TLK1: variants seen among roughly 807,000 people sequenced by gnomAD.
TLK1 encodes the protein tousled like kinase 1, also known as serine/threonine-protein kinase tousled-like 1.
Under a neutral mutation model 105.3 loss-of-function variants are expected in TLK1, and 24 were observed. That is an observed-to-expected ratio of 0.23 (90% confidence interval 0.17 to 0.32). TLK1 has a LOEUF of 0.32. Ranked by LOEUF, TLK1 falls within the 10% of genes least tolerant of loss-of-function variation. The probability of loss-of-function intolerance (pLI) is 1.00; values close to 1 mark genes in which losing one functional copy is unlikely to be tolerated. For missense variants in TLK1, 558 were observed against 910.5 expected, an observed-to-expected ratio of 0.61 and a Z score of 4.98; for synonymous variants, 321 against 310.4, an observed-to-expected ratio of 1.03 and a Z score of -0.36.
chr2:171,151,161 GCGT>G (rs1394106836), intron 1 of TLK1, among the ~76,000 whole-genome samples: 1 of 151,992 alleles, frequency 6.6e-6, no homozygotes, highest in Non-Finnish European at 1.5e-5. Flanking sequence ...GCAACTACAG[GCGT>G]GCACCACAAT....
At chr2:171,044,349 CCACT>C (rs1350178657) in intron 11 of TLK1, among the ~76,000 whole-genome samples, 7 of 152,124 alleles carry the variant, frequency 4.6e-5, no homozygotes, top group African/African-American at 1.4e-4. Context: ...GATGGTAGTG[CCACT>C]CACTAAGAGA....
intron 3 of TLK1, among the ~76,000 whole-genome samples, chr2:171,066,203 T>C (rs1687985328): frequency 2.6e-5 from 4 of 152,234 alleles, no homozygotes; most frequent in Admixed American, 2.0e-4. Flanking sequence ...TCTACTATAA[T>C]GCTGATTTTA....
chr2:171,044,472 G>C lies in TLK1; in HGVS notation c.1169+1702C>G, dbSNP rs138834919. ...TAGTAAATATAGTTTTGAACAGGCT[G>C]CATTAGAAGTTCCTGTGAGACATTT... On this transcript the variant is annotated intron_variant, in intron 11 of 20. Transcript: ENST00000431350. Among the ~76,000 whole-genome samples, 524 of 152,224 alleles carry C rather than the reference G, an allele frequency of 3.4e-3. 6 individuals are homozygous for C. Among genetic ancestry groups the C allele is most frequent in the African/African-American group, 0.012 (489 of 41,540 alleles).
intron 12 of TLK1, among the ~76,000 whole-genome samples, chr2:171,022,502 C>G (rs1685577112): frequency 6.6e-6 from 1 of 152,076 alleles, no homozygotes; most frequent in Non-Finnish European, 1.5e-5. Flanking sequence ...CGACTTTTTC[C>G]AGTATAGTAT....
chr2:171,210,238 G>T (rs1173655806), intron 1 of TLK1, among the ~76,000 whole-genome samples: 1 of 151,922 alleles, frequency 6.6e-6, no homozygotes, highest in Non-Finnish European at 1.5e-5. Context: ...AGAGAAATAA[G>T]GTTATAATGC....
chr2:171,160,524 G>C lies in TLK1; in HGVS notation c.-96C>G. 6.4e-7 allele frequency: 1 copy of C among 1,557,160 alleles called. No homozygotes were observed. ...CCGTCATGGCGGGGGCCGCGCTGAG[G>C]GCGAGCGAGAGAGCGAGGGCTGGGA... is the stretch of plus-strand genomic sequence containing the variant. On this transcript the variant is annotated 5_prime_UTR_variant, in exon 1 of 21. Transcript: ENST00000431350. This position sits in a 1 kb window ranked among gnomAD's most constrained non-coding sequence, Gnocchi z 4.4.
At chr2:171,112,693 C>T (rs1318262622) in intron 2 of TLK1, among the ~76,000 whole-genome samples, 3 of 152,024 alleles carry the variant, frequency 2.0e-5, no homozygotes, top group Non-Finnish European at 4.4e-5. Context: ...ACCAACAAAC[C>T]ATTACAACCA....
intron 1 of TLK1, among the ~76,000 whole-genome samples, chr2:171,228,996 G>C (rs1349737909): frequency 6.6e-6 from 1 of 152,124 alleles, no homozygotes; most frequent in Non-Finnish European, 1.5e-5. Flanking sequence ...TCATGCACTT[G>C]GGAATTTCCA....
At chr2:171,102,796 T>C (rs1268136786) in intron 2 of TLK1, among the ~76,000 whole-genome samples, 2 of 152,198 alleles carry the variant, frequency 1.3e-5, no homozygotes, top group South Asian at 4.1e-4. Context: ...ATTGAGGGCC[T>C]TGGTTCTGTT....
At chr2:171,002,143 A>T (rs915640821) in intron 18 of TLK1, among the ~76,000 whole-genome samples, 1 of 152,078 alleles carries the variant, frequency 6.6e-6, no homozygotes, top group African/African-American at 2.4e-5. Context: ...TGTTATCTTG[A>T]CATTTTAAAA....
At chr2:171,138,441 T>C (rs761698369) in intron 1 of TLK1, among the ~76,000 whole-genome samples, 2 of 152,210 alleles carry the variant, frequency 1.3e-5, no homozygotes, top group Non-Finnish European at 2.9e-5. Context: ...AAATTTCAGA[T>C]GGCAGCATTT....
rs538895023 is a variant in TLK1 at position 171,031,376 on chromosome 2, G to C, written c.1170-2971C>G. ...TTTTAGACAGAATGAAAAGAGCTAA[G>C]CTAGGATAATGTTCACATCAGTGGC... On this transcript the variant is annotated intron_variant, in intron 11 of 20. Coordinates refer to ENST00000431350, the MANE Select transcript of TLK1 (RefSeq NM_012290.5). Among the ~76,000 whole-genome samples, 44 of 152,280 alleles carry C rather than the reference G, an allele frequency of 2.9e-4. No homozygotes were observed. In the South Asian group the frequency reaches 8.9e-3, roughly 31 times the overall value.
In TLK1 at chr2:171,088,180, A is replaced by C. The variant is rs531058956; in HGVS notation, c.259-5328T>G. Among the ~76,000 whole-genome samples, 10 of 152,260 alleles carry C rather than the reference A, an allele frequency of 6.6e-5. No individual in the cohort carries two copies. In the East Asian group the frequency reaches 1.9e-3, roughly 29 times the overall value. ...ACCCTGTCCCTACAGAGGAAAAAAAAAATTAGCCAGATGTGGTAGCATGTA... is the reference window on the plus strand; with the variant it reads ...ACCCTGTCCCTACAGAGGAAAAAAACAATTAGCCAGATGTGGTAGCATGTA... On this transcript the variant is annotated intron_variant, in intron 2 of 20. Transcript: ENST00000431350.
chr2:171,084,910 A>G (rs1437621429), intron 2 of TLK1, among the ~76,000 whole-genome samples: 1 of 152,216 alleles, frequency 6.6e-6, no homozygotes, highest in African/African-American at 2.4e-5. Context: ...TATACAGTAG[A>G]TAATGCTTTA....
Position 171,014,937 on chromosome 2 carries a change from T to G in TLK1, c.1248A>C (p.Glu416Asp). The G allele has an allele frequency of 6.2e-7, 1 of 1,613,606 alleles. No homozygotes were observed. The highest frequency in any genetic ancestry group is 1.1e-5 in the South Asian group (1 of 91,064). The change falls in exon 13 of 21, where the codon GAA becomes GAC. Residue 416 changes from glutamate (E) to aspartate (D), a missense_variant. Coordinates refer to ENST00000431350, the MANE Select transcript of TLK1 (RefSeq NM_012290.5). Reference protein sequence around the residue: ...RLGHLKKEEAEIQAELERLER... With the variant: ...RLGHLKKEEADIQAELERLER... ...CCAAACGTTCAAGTTCTGCCTGGAT[T>G]TCTGCCTCTTCCTGAAAATGAAGAG...
At chr2:171,127,543 G>A (rs944940686) in intron 1 of TLK1, among the ~76,000 whole-genome samples, 3 of 151,918 alleles carry the variant, frequency 2.0e-5, no homozygotes, top group Admixed American at 6.6e-5. Context: ...TTAGTTAAAT[G>A]AGCTATCACA....
chr2:171,005,606 C>T (rs1054018454), intron 18 of TLK1, among the ~76,000 whole-genome samples: 2 of 152,056 alleles, frequency 1.3e-5, no homozygotes, highest in South Asian at 2.1e-4. Context: ...CATAGTGGTG[C>T]GTACCTGTGG....
chr2:171,205,808 T>C (rs1490800043), intron 1 of TLK1, among the ~76,000 whole-genome samples: 2 of 152,202 alleles, frequency 1.3e-5, no homozygotes, highest in African/African-American at 4.8e-5. Flanking sequence ...TAAACCACTA[T>C]TTGAAATGTC....
At chr2:171,117,464 A>G (rs183792191) in intron 2 of TLK1, among the ~76,000 whole-genome samples, 1 of 152,302 alleles carries the variant, frequency 6.6e-6, no homozygotes, top group East Asian at 1.9e-4. Context: ...GACCATGGAT[A>G]ATAAGGGCAG....
Sources: allele counts gnomAD v4.1 joint callset (sites outside exome capture counted in the v4.1 genomes callset), GRCh38; gene constraint gnomAD v4.1.1; non-coding constraint Gnocchi (gnomAD v3.1); transcripts MANE v1.5; gene names NCBI Gene and HGNC (gene_info 2026-07-23, HGNC 2026-07-21).